Variants in MCF2L2 observed in about 807,000 individuals in gnomAD.
The protein encoded by MCF2L2 is MCF.2 cell line derived transforming sequence-like 2.
MCF2L2 carries 102 observed loss-of-function variants against 150.2 expected under a neutral mutation model. That is an observed-to-expected ratio of 0.68 (90% confidence interval 0.58 to 0.80). The LOEUF (loss-of-function observed/expected upper bound fraction) is 0.80, where lower values mean the gene tolerates loss of function less well. Ranked by LOEUF, MCF2L2 falls within the 30% of genes least tolerant of loss-of-function variation. The probability of loss-of-function intolerance (pLI) is 0.00; values close to 1 mark genes in which losing one functional copy is unlikely to be tolerated. For synonymous variants in MCF2L2, 465 were observed against 491.3 expected (o/e 0.95, Z 0.71); for missense variants, 1,256 against 1,372.8 (o/e 0.91, Z 1.34).
intron 8 of MCF2L2, 106 bp downstream of exon 8, chr3:183,311,542 C>T: frequency 7.8e-7 from 1 of 1,276,136 alleles, no homozygotes; most frequent in Non-Finnish European, 1.1e-6. Flanking sequence ...TTCCTTGGCC[C>T]CACCAAGACC....
At chr3:183,395,825 G>A (rs1394653592) in intron 1 of MCF2L2, among the ~76,000 whole-genome samples, 1 of 150,416 alleles carries the variant, frequency 6.6e-6, no homozygotes, top group African/African-American at 2.5e-5. Context: ...GGCTGAGGCA[G>A]GAGAATTGCT....
intron 15 of MCF2L2, among the ~76,000 whole-genome samples, chr3:183,245,652 T>C (rs1351405485): frequency 2.6e-5 from 4 of 152,180 alleles, no homozygotes; most frequent in African/African-American, 9.6e-5. Flanking sequence ...CAGGAAAACA[T>C]GTTCTTAAGT....
chr3:183,310,979 G>C lies in MCF2L2; in HGVS notation c.929C>G (p.Ser310Cys), dbSNP rs1729348804. Residue 310 changes from serine to cysteine, a missense_variant, in exon 9 of 30, where the codon TCT (serine) becomes TGT (cysteine). By Grantham distance (112) the Ser-to-Cys change is moderately radical (BLOSUM62 -1). Transcript: ENST00000328913. The stretch of plus-strand genomic sequence containing the variant: ...CTGGTTAAGCTTCAGATGATGCTCA[G>C]ACCAAAAGTGACTAAAGGCTTTTTC... ...ETEKAFSHFW[S>C]EHHLKLNQCL... The C allele has an allele frequency of 6.2e-7, 1 of 1,613,878 alleles. No homozygotes were observed. The highest frequency in any genetic ancestry group is 1.3e-5 in the African/African-American group (1 of 74,928).
chr3:183,424,133 A>G (rs1444527068), intron 1 of MCF2L2, among the ~76,000 whole-genome samples: 1 of 152,212 alleles, frequency 6.6e-6, no homozygotes. Flanking sequence ...GGAAAATCAA[A>G]CAATATTTTT....
chr3:183,414,512 T>G (rs1463584019), intron 1 of MCF2L2, among the ~76,000 whole-genome samples: 1 of 152,200 alleles, frequency 6.6e-6, no homozygotes, highest in Non-Finnish European at 1.5e-5. Context: ...TTAATCAACT[T>G]CTGATTTTGT....
At chr3:183,421,495 A>G (rs1325089078) in intron 1 of MCF2L2, among the ~76,000 whole-genome samples, 1 of 152,174 alleles carries the variant, frequency 6.6e-6, no homozygotes, top group Non-Finnish European at 1.5e-5. Context: ...AGGTCTTGCT[A>G]TGTTGCTCAG....
intron 7 of MCF2L2, among the ~76,000 whole-genome samples, chr3:183,312,715 AG>A (rs1729436023): frequency 6.6e-6 from 1 of 152,196 alleles, no homozygotes. Flanking sequence ...GAAGAGTTTT[AG>A]ACCTCCCCAC....
chr3:183,361,636 C>T lies in MCF2L2; in HGVS notation c.275+17661G>A, dbSNP rs551815926. Among the ~76,000 whole-genome samples the T allele has an allele frequency of 9.2e-5, 14 of 152,308 alleles. No individual in the cohort carries two copies. The South Asian group carries it at 2.9e-3, about 32-fold the overall frequency. On this transcript the variant is annotated intron_variant, in intron 3 of 29. Coordinates refer to ENST00000328913, the MANE Select transcript of MCF2L2 (RefSeq NM_015078.4). ...CTGTACAACCTGTGGAAATGTGAGT[C>T]AATTAAACCTCCTTTCTTCATAAAT...
At chr3:183,311,055 T>A in intron 8 of MCF2L2, 26 bp from the exon 9 acceptor site, 1 of 1,448,860 alleles carries the variant, frequency 6.9e-7, no homozygotes, top group Non-Finnish European at 9.7e-7. Context: ...GAGAAAGTGA[T>A]GTTAGGTTAG....
intron 1 of MCF2L2, among the ~76,000 whole-genome samples, chr3:183,415,770 TGAA>T (rs1473119414): frequency 1.3e-5 from 2 of 152,178 alleles, no homozygotes; most frequent in Non-Finnish European, 2.9e-5. Context: ...GTTGTATCTT[TGAA>T]TATAAAGTGT....
chr3:183,367,832 A>G (rs1712631045), intron 3 of MCF2L2, among the ~76,000 whole-genome samples: 1 of 152,226 alleles, frequency 6.6e-6, no homozygotes, highest in African/African-American at 2.4e-5. Context: ...AGAAAGCATC[A>G]TAATACGCAA....
intron 9 of MCF2L2, 140 bp from the exon 10 acceptor site, chr3:183,309,975 T>C: frequency 1.2e-6 from 1 of 816,712 alleles, no homozygotes; most frequent in Non-Finnish European, 1.8e-6. Flanking sequence ...AAAAATTTTT[T>C]TTTTGCAGCT....
At chr3:183,298,501 G>T (rs1728654061) in intron 11 of MCF2L2, 1 of 152,090 alleles carries the variant, frequency 6.6e-6, no homozygotes, top group African/African-American at 2.4e-5. Flanking sequence ...AAATCATAAA[G>T]ATATTTCAGA....
At chr3:183,392,288 A>T (rs1163153805) in intron 1 of MCF2L2, among the ~76,000 whole-genome samples, 1 of 152,166 alleles carries the variant, frequency 6.6e-6, no homozygotes, top group African/African-American at 2.4e-5. Context: ...TACACAACAA[A>T]TAACTGTAGA....
chr3:183,411,693 A>G (rs1715323078), intron 1 of MCF2L2, among the ~76,000 whole-genome samples: 1 of 151,800 alleles, frequency 6.6e-6, no homozygotes, highest in Non-Finnish European at 1.5e-5. Context: ...GCTGAGAAGT[A>G]CAGGAAGCCC....
intron 25 of MCF2L2, among the ~76,000 whole-genome samples, chr3:183,199,621 C>CTTT (rs1163310933): frequency 7.1e-6 from 1 of 141,604 alleles, no homozygotes; most frequent in Non-Finnish European, 1.6e-5. Context: ...TTTTTTTTTC[C>CTTT]TTTTTTTTTT....
chr3:183,302,409 C>T (rs548590988), intron 10 of MCF2L2, among the ~76,000 whole-genome samples: 12 of 152,056 alleles, frequency 7.9e-5, no homozygotes, highest in Non-Finnish European at 1.2e-4. Flanking sequence ...GAGGTGAAGG[C>T]GTGTTTGACA....
intron 1 of MCF2L2, among the ~76,000 whole-genome samples, chr3:183,403,169 G>A (rs1317515809): frequency 1.3e-5 from 2 of 152,112 alleles, no homozygotes; most frequent in African/African-American, 4.8e-5. Flanking sequence ...ATACTCAGGA[G>A]GCTGAGGCAG....
intron 4 of MCF2L2, among the ~76,000 whole-genome samples, chr3:183,339,482 TTGTAAATAATAC>T (rs1240699452): frequency 6.6e-6 from 1 of 152,250 alleles, no homozygotes; most frequent in African/African-American, 2.4e-5. Context: ...AATTTTACTA[TTGTAAATAATAC>T]TGAGACGAAC....
Sources: gnomAD v4.1 joint callset for allele counts (sites outside exome capture counted in the v4.1 genomes callset) on GRCh38, gnomAD v4.1.1 for gene constraint, MANE v1.5 for transcripts, NCBI Gene and HGNC (gene_info 2026-07-23, HGNC 2026-07-21) for gene names.